Variants in TRHDE observed in about 807,000 individuals in gnomAD.
The protein encoded by TRHDE is thyrotropin-releasing hormone-degrading ectoenzyme.
In TRHDE, 72 loss-of-function variants were observed where a neutral mutation model predicts 125.7. The observed-to-expected ratio is 0.57, with a 90% CI of 0.47 to 0.70. The LOEUF (loss-of-function observed/expected upper bound fraction) is 0.70. Ranked by LOEUF, TRHDE falls within the 30% of genes least tolerant of loss-of-function variation. The pLI is 0.00. For synonymous variants in TRHDE, 509 were observed against 509.1 expected, an observed-to-expected ratio of 1.00 and a Z score of 0.00; for missense variants, 1,110 against 1,327.1, an observed-to-expected ratio of 0.84 and a Z score of 2.54.
chr12:72,390,111 G>A (rs776772200), intron 3 of TRHDE, among the ~76,000 whole-genome samples: 1 of 152,180 alleles, frequency 6.6e-6, no homozygotes, highest in Middle Eastern at 3.2e-3. Context: ...GTTTTCCCAT[G>A]TGGTTTACTT....
At position 72,222,847 on chromosome 12, in the gene TRHDE, G is replaced by A. The variant is rs1311737420; in HGVS notation, n.279+117095G>A. 2.0e-5 allele frequency among the ~76,000 whole-genome samples: 3 copies of A among 152,228 alleles called. No homozygotes were observed. In the East Asian group the frequency reaches 5.8e-4, roughly 29 times the overall value. On this transcript the variant is annotated intron_variant and non_coding_transcript_variant, in intron 2 of 4. Transcript: ENST00000548156. ...CCAGCCTGCACCTCTACCATTTGGA[G>A]TGCAAAGGTTACTTGAGTTTTTGAT...
At chr12:72,160,797 T>C (rs1876620815) in intron 2 of TRHDE, among the ~76,000 whole-genome samples, 1 of 152,192 alleles carries the variant, frequency 6.6e-6, no homozygotes, top group Non-Finnish European at 1.5e-5. Flanking sequence ...GTTTCCCTGC[T>C]CCCTCTACCC....
chr12:72,184,836 G>A (rs1354819832), intron 2 of TRHDE, among the ~76,000 whole-genome samples: 1 of 152,196 alleles, frequency 6.6e-6, no homozygotes, highest in Non-Finnish European at 1.5e-5. Flanking sequence ...CAGTTGTTAT[G>A]GTTGATTTCC....
At chr12:72,128,574 T>C (rs1566234128) in intron 2 of TRHDE, among the ~76,000 whole-genome samples, 1 of 152,170 alleles carries the variant, frequency 6.6e-6, no homozygotes. Flanking sequence ...GAGGTATAAA[T>C]AATATTTTTT....
chr12:72,175,680 A>G (rs1876971018), intron 2 of TRHDE, among the ~76,000 whole-genome samples: 1 of 152,232 alleles, frequency 6.6e-6, no homozygotes, highest in Non-Finnish European at 1.5e-5. Flanking sequence ...GTAACTCTTT[A>G]CCTAATGGAC....
At chr12:72,128,053 T>C (rs894341390) in intron 2 of TRHDE, among the ~76,000 whole-genome samples, 19 of 152,064 alleles carry the variant, frequency 1.2e-4, no homozygotes, top group African/African-American at 4.6e-4. Flanking sequence ...AGGATGCCCT[T>C]GAGTATTTAG....
intron 2 of TRHDE, among the ~76,000 whole-genome samples, chr12:72,151,745 A>C (rs916227183): frequency 1.3e-5 from 2 of 152,048 alleles, no homozygotes; most frequent in Admixed American, 1.3e-4. Flanking sequence ...GTTCTGTTCC[A>C]TTGGTCTATA....
chr12:72,628,921 T>G (rs928374300), intron 15 of TRHDE, among the ~76,000 whole-genome samples: 9 of 151,858 alleles, frequency 5.9e-5, no homozygotes, highest in Non-Finnish European at 1.0e-4. Context: ...CCACTATTCC[T>G]TGCTATTTAG....
intron 2 of TRHDE, among the ~76,000 whole-genome samples, chr12:72,350,538 C>A (rs370112397): frequency 5.5e-4 from 83 of 152,054 alleles, no homozygotes; most frequent in Non-Finnish European, 9.3e-4. Context: ...AGATTGATAC[C>A]AAAGTCAGTG....
chr12:72,518,659 T>G (rs1454059061), intron 6 of TRHDE, among the ~76,000 whole-genome samples: 1 of 152,044 alleles, frequency 6.6e-6, no homozygotes, highest in African/African-American at 2.4e-5. Flanking sequence ...AAAGTTAATA[T>G]TGTTATGTGT....
intron 2 of TRHDE, among the ~76,000 whole-genome samples, chr12:72,376,011 A>G (rs1871864192): frequency 6.6e-6 from 1 of 152,142 alleles, no homozygotes; most frequent in East Asian, 1.9e-4. Flanking sequence ...CATCTTCTCC[A>G]AAGGACTATC....
intron 3 of TRHDE, among the ~76,000 whole-genome samples, chr12:72,423,501 T>C (rs2135829975): frequency 6.6e-6 from 1 of 152,298 alleles, no homozygotes; most frequent in Admixed American, 6.5e-5. Context: ...CCTAGAAATC[T>C]GCATTTTTAA....
chr12:72,188,107 C>T (rs1174936693), intron 2 of TRHDE, among the ~76,000 whole-genome samples: 2 of 152,102 alleles, frequency 1.3e-5, no homozygotes, highest in Non-Finnish European at 2.9e-5. Context: ...ACAAAGCAAC[C>T]ATATAGAGAA....
chr12:72,625,404 C>CTTG (rs1210367852), intron 15 of TRHDE, among the ~76,000 whole-genome samples: 1 of 151,240 alleles, frequency 6.6e-6, no homozygotes, highest in Non-Finnish European at 1.5e-5. Context: ...AACACAGCAC[C>CTTG]TTGTTATATA....
At chr12:72,460,665 A>G (rs964567714) in intron 3 of TRHDE, among the ~76,000 whole-genome samples, 1 of 152,162 alleles carries the variant, frequency 6.6e-6, no homozygotes, top group Non-Finnish European at 1.5e-5. Context: ...TCTTTGTTAT[A>G]TAACAAGTAT....
intron 2 of TRHDE, among the ~76,000 whole-genome samples, chr12:72,239,132 C>G (rs1236976061): frequency 6.6e-6 from 1 of 152,158 alleles, no homozygotes; most frequent in Non-Finnish European, 1.5e-5. Context: ...CTGCATTTCT[C>G]TGATGGCCAG....
chr12:72,571,056 G>A (rs1870708342), intron 10 of TRHDE, among the ~76,000 whole-genome samples: 1 of 151,248 alleles, frequency 6.6e-6, no homozygotes. Flanking sequence ...GCACTTTCCT[G>A]TTTTGCCTTT....
At chr12:72,649,206 A>G (rs1490429970) in intron 15 of TRHDE, among the ~76,000 whole-genome samples, 1 of 152,102 alleles carries the variant, frequency 6.6e-6, no homozygotes, top group Admixed American at 6.6e-5. Context: ...TACACCAATT[A>G]AACAGAATAT....
chr12:72,228,641 A>C (rs1878185315), intron 2 of TRHDE, among the ~76,000 whole-genome samples: 1 of 152,144 alleles, frequency 6.6e-6, no homozygotes, highest in Non-Finnish European at 1.5e-5. Flanking sequence ...TCAGGCTGCA[A>C]GTTTTCTAAA....
Sources: allele counts gnomAD v4.1 joint callset (sites outside exome capture counted in the v4.1 genomes callset), GRCh38; gene constraint gnomAD v4.1.1; transcripts MANE v1.5; gene names NCBI Gene and HGNC (gene_info 2026-07-23, HGNC 2026-07-21).